KAT2B: variants seen among roughly 807,000 people sequenced by gnomAD.
KAT2B encodes the protein histone acetyltransferase KAT2B.
In KAT2B, 36 loss-of-function variants were observed where a neutral mutation model predicts 105.9. The ratio of observed to expected loss-of-function variants is 0.34; its 90% CI spans 0.26 to 0.45. The LOEUF (loss-of-function observed/expected upper bound fraction) is 0.45. KAT2B is among the 20% of genes least tolerant of loss of function. The pLI, the probability that KAT2B is intolerant of heterozygous loss-of-function variation, is 1.00. For missense variants in KAT2B, 820 were observed against 1,021.6 expected, an observed-to-expected ratio of 0.80 and a Z score of 2.69; for synonymous variants, 397 against 377.9, an observed-to-expected ratio of 1.05 and a Z score of -0.59.
intron 5 of KAT2B, among the ~76,000 whole-genome samples, chr3:20,111,071 G>A (rs17006610): frequency 0.22 from 33,479 of 152,056 alleles, 3,963 homozygotes; most frequent in African/African-American, 0.29. Context: ...CAAAGGACTA[G>A]GTGGTTAATT....
intron 1 of KAT2B, among the ~76,000 whole-genome samples, chr3:20,059,646 G>C (rs111721688): frequency 6.6e-6 from 1 of 151,918 alleles, no homozygotes; most frequent in African/African-American, 2.4e-5. Context: ...TGGAGCTTGC[G>C]GTGAGCCGAG....
chr3:20,062,172 AT>A (rs1698132532), intron 1 of KAT2B, among the ~76,000 whole-genome samples: 15 of 73,294 alleles, frequency 2.0e-4, no homozygotes, highest in African/African-American at 6.6e-4. Context: ...TATAATATAT[AT>A]AATATATAAT....
intron 1 of KAT2B, among the ~76,000 whole-genome samples, chr3:20,062,302 AAATAT>A (rs1261134013): frequency 1.7e-4 from 8 of 46,960 alleles, no homozygotes; most frequent in East Asian, 5.0e-4. Context: ...ATAATATATA[AAATAT>A]AATATATATA....
At chr3:20,141,061 G>A (rs3804564) in intron 13 of KAT2B, among the ~76,000 whole-genome samples, 7,172 of 152,052 alleles carry the variant, frequency 0.047, 394 homozygotes, top group East Asian at 0.21. Context: ...TAGCCACCCC[G>A]TTCACTCAGC....
At chr3:20,152,205 A>T in intron 17 of KAT2B, 127 bp from the exon 18 acceptor site, 1 of 578,996 alleles carries the variant, frequency 1.7e-6, no homozygotes, top group Non-Finnish European at 3.0e-6. Context: ...AATTTCTCTT[A>T]AATAAAAGCA....
chr3:20,058,529 C>G (rs1172501321), intron 1 of KAT2B, among the ~76,000 whole-genome samples: 1 of 149,800 alleles, frequency 6.7e-6, no homozygotes, highest in Non-Finnish European at 1.5e-5. Context: ...TCTTTTCTCT[C>G]TTACAATTCT....
chr3:20,136,956 C>A lies in KAT2B; in HGVS notation c.1764C>A (p.His588Gln). ...SNEQVKGYGT[H>Q]LMNHLKEYHI... ...CTTCCACACAGGGCTATGGAACACA[C>A]CTGATGAATCATTTGAAAGAATATC... Residue 588 changes from histidine (H) to glutamine (Q), a missense_variant, in exon 12 of 18, where the codon CAC (histidine) becomes CAA (glutamine). By Grantham distance (24) the His-to-Gln change is conservative. Transcript: ENST00000263754. The A allele has an allele frequency of 6.2e-7, 1 of 1,602,706 alleles. No individual in the cohort carries two copies.
At chr3:20,102,591 C>G (rs767416068) in intron 5 of KAT2B, among the ~76,000 whole-genome samples, 8 of 152,174 alleles carry the variant, frequency 5.3e-5, no homozygotes, top group Non-Finnish European at 1.0e-4. Flanking sequence ...TTGGATTGAA[C>G]ATATATTTTC....
chr3:20,082,443 C>T (rs1698536591), intron 2 of KAT2B, among the ~76,000 whole-genome samples: 1 of 152,006 alleles, frequency 6.6e-6, no homozygotes, highest in Non-Finnish European at 1.5e-5. Flanking sequence ...ATCTGTTGAC[C>T]CAAAAATGTT....
At position 20,040,534 on chromosome 3, in the gene KAT2B, G is replaced by A. The variant is rs1447640328; in HGVS notation, c.57G>A (p.Gly19=). The part of the protein sequence containing the change: ...PGGCGAGAGA[G]AGPGALPPQP... Reference sequence around the variant, plus strand: ...GCTGCGGGGCAGGAGCCGGGGCAGGGGCCGGGCCCGGGGCGCTGCCCCCGC... The same window carrying A: ...GCTGCGGGGCAGGAGCCGGGGCAGGAGCCGGGCCCGGGGCGCTGCCCCCGC... The change falls in exon 1 of 18, where the codon GGG becomes GGA. Residue 19 remains glycine (G), a synonymous_variant. Coordinates refer to ENST00000263754, the MANE Select transcript of KAT2B (RefSeq NM_003884.5). The A allele has an allele frequency of 1.0e-5, 10 of 1,003,054 alleles. No individual in the cohort carries two copies. Among genetic ancestry groups the A allele is most frequent in the Non-Finnish European group, 1.2e-5 (10 of 837,350 alleles). The allele number at this position is 1,003,054 out of a possible 1,614,324, so 62.1% of individuals were successfully genotyped here. A position where few individuals can be genotyped will look rare whatever the true frequency, so the allele number is the denominator to read the frequency against.
At chr3:20,124,265 A>G (rs1284393779) in intron 9 of KAT2B, among the ~76,000 whole-genome samples, 1 of 152,136 alleles carries the variant, frequency 6.6e-6, no homozygotes, top group East Asian at 1.9e-4. Flanking sequence ...AGACTGGGTA[A>G]TTTATTTTTT....
intron 9 of KAT2B, 163 bp downstream of exon 9, chr3:20,122,967 T>A: frequency 1.0e-6 from 1 of 984,618 alleles, no homozygotes; most frequent in Non-Finnish European, 1.2e-6. Context: ...GAACAACTGA[T>A]CAAGAGGTAA....
chr3:20,138,283 AT>A (rs1171628165), intron 12 of KAT2B, among the ~76,000 whole-genome samples: 2 of 151,926 alleles, frequency 1.3e-5, no homozygotes, highest in African/African-American at 4.8e-5. Flanking sequence ...TCTTTTTAGT[AT>A]TTTTTCTGTG....
At chr3:20,108,895 G>A (rs1699070746) in intron 5 of KAT2B, among the ~76,000 whole-genome samples, 1 of 152,172 alleles carries the variant, frequency 6.6e-6, no homozygotes, top group South Asian at 2.1e-4. Flanking sequence ...AATGCTTGAT[G>A]ATCTGAGGTG....
At chr3:20,062,003 A>G (rs1415172097) in intron 1 of KAT2B, among the ~76,000 whole-genome samples, 3 of 75,038 alleles carry the variant, frequency 4.0e-5, no homozygotes, top group African/African-American at 5.4e-5. Context: ...TATAAAACAT[A>G]TAATATATAT....
In KAT2B at chr3:20,040,784, C is replaced by A. The variant is rs376635109; in HGVS notation, c.303+4C>A. 3.8e-6 allele frequency: 6 copies of A among 1,585,282 alleles called. No homozygotes were observed. The African/African-American group carries it at 6.9e-5, about 18-fold the overall frequency. On this transcript the variant is annotated splice_donor_region_variant and intron_variant, in intron 1 of 17. Transcript: ENST00000263754. ...CGGAGTGTACTCCGCCTGCAAGGTA[C>A]GCGCTCGCCGCTCTCGGACCGCGGA...
Position 20,043,550 on chromosome 3 carries a change from G to A in KAT2B, c.303+2770G>A, listed in dbSNP as rs185472429. On this transcript the variant is annotated intron_variant, in intron 1 of 17. Coordinates refer to ENST00000263754, the MANE Select transcript of KAT2B (RefSeq NM_003884.5). ...AGAACTCTTGGCAGGGCAGAGTGGG[G>A]TGGGGTGAAGCTTCTTGTAGTGGAG... Among the ~76,000 whole-genome samples the A allele has an allele frequency of 1.6e-3, 237 of 152,164 alleles. 1 individual carries two copies. The highest frequency in any genetic ancestry group is 0.014 in the Middle Eastern group (4 of 294).
Position 20,154,205 on chromosome 3 carries a change from T to A in KAT2B, c.*1680T>A, listed in dbSNP as rs963007745. On this transcript the variant is annotated 3_prime_UTR_variant, in exon 18 of 18. Transcript: ENST00000263754. ...TAGAGTATTGTCTTTAAAATCAGAT[T>A]GTCTCTTCTATATTGAAAGCATTTT... 6.6e-6 allele frequency: 1 copy of A among 152,616 alleles called. No homozygotes were observed. The highest frequency in any genetic ancestry group is 1.5e-5 in the Non-Finnish European group (1 of 68,020). 9.5% of individuals were successfully genotyped at this position (152,616 alleles called of 1,614,324 possible).
At chr3:20,040,839 C>G in intron 1 of KAT2B, 59 bp downstream of exon 1, 2 of 1,479,164 alleles carry the variant, frequency 1.4e-6, no homozygotes, top group Non-Finnish European at 1.8e-6. Context: ...CCGCGGGACC[C>G]CCCTCCCCCT....
Sources: allele counts gnomAD v4.1 joint callset (sites outside exome capture counted in the v4.1 genomes callset), GRCh38; gene constraint gnomAD v4.1.1; transcripts MANE v1.5; gene names NCBI Gene and HGNC (gene_info 2026-07-23, HGNC 2026-07-21).